Variants in CHD1 observed in about 807,000 individuals in gnomAD.
CHD1 encodes chromodomain helicase DNA binding protein 1.
CHD1 carries 36 observed loss-of-function variants against 224.2 expected under a neutral mutation model. The observed-to-expected ratio is 0.16, with a 90% CI of 0.12 to 0.21. The LOEUF (loss-of-function observed/expected upper bound fraction) is 0.21. Among genes scored for constraint, CHD1 ranks in the 10% least tolerant of loss-of-function variants. CHD1 has a pLI of 1.00. For missense variants in CHD1, 1,378 were observed against 1,994.8 expected, an observed-to-expected ratio of 0.69 and a Z score of 5.89; for synonymous variants, 668 against 658.3, an observed-to-expected ratio of 1.01 and a Z score of -0.23.
At chr5:98,887,715 T>TCACATTCAG (rs1484305180) in intron 17 of CHD1, among the ~76,000 whole-genome samples, 1 of 152,132 alleles carries the variant, frequency 6.6e-6, no homozygotes, top group Non-Finnish European at 1.5e-5. Context: ...TTGGCAGCAT[T>TCACATTCAG]CACATTCAGA....
intron 2 of CHD1, among the ~76,000 whole-genome samples, chr5:98,912,504 C>A (rs1163033800): frequency 6.6e-6 from 1 of 151,994 alleles, no homozygotes; most frequent in Non-Finnish European, 1.5e-5. Context: ...GACCCCATCT[C>A]TACTAAAAAT....
At chr5:98,870,901 A>G (rs565068153) in intron 28 of CHD1, 98 bp from the exon 29 acceptor site, 29 of 553,446 alleles carry the variant, frequency 5.2e-5, no homozygotes, top group African/African-American at 4.9e-4. Flanking sequence ...TATATAGTTC[A>G]CCAACAAGTT....
intron 31 of CHD1, among the ~76,000 whole-genome samples, chr5:98,863,904 A>AT (rs1301192959): frequency 6.6e-6 from 1 of 152,210 alleles, no homozygotes; most frequent in Non-Finnish European, 1.5e-5. Context: ...TTAAATATAG[A>AT]CTATTAAAAG....
At position 98,896,430 on chromosome 5, in the gene CHD1, G is replaced by A. The variant is rs1199381835; in HGVS notation, c.1506C>T (p.Cys502=). 2 of 1,611,560 alleles carry A rather than the reference G, an allele frequency of 1.2e-6. No individual in the cohort carries two copies. The highest frequency in any genetic ancestry group is 1.7e-5 in the Admixed American group (1 of 59,908). The change falls in exon 12 of 36, where the codon TGC becomes TGT. Residue 502 remains cysteine (C), a synonymous_variant. Coordinates refer to ENST00000614616, the MANE Select transcript of CHD1 (RefSeq NM_001270.4). ...LAHSWCKGNS[C]ILADEMGLGK... The stretch of plus-strand genomic sequence containing the variant: ...CAAGGCCCATTTCATCAGCGAGTAT[G>A]CAACTATTTCCTCTACAAAGTTAAA...
intron 2 of CHD1, among the ~76,000 whole-genome samples, chr5:98,918,637 G>A (rs1465516112): frequency 2.7e-5 from 4 of 150,758 alleles, no homozygotes; most frequent in Non-Finnish European, 5.9e-5. Flanking sequence ...GCATGGTGAC[G>A]CGTGCCTGTA....
chr5:98,870,619 T>A, intron 29 of CHD1, 68 bp downstream of exon 29: 1 of 783,082 alleles, frequency 1.3e-6, no homozygotes, highest in Non-Finnish European at 2.1e-6. Flanking sequence ...ATGTTTAGCA[T>A]GGTGAAGTAA....
intron 2 of CHD1, among the ~76,000 whole-genome samples, chr5:98,913,584 A>G (rs1380115450): frequency 2.6e-5 from 4 of 152,242 alleles, no homozygotes; most frequent in Non-Finnish European, 5.9e-5. Context: ...AAGTTCAACC[A>G]TAAATTATTT....
intron 15 of CHD1, chr5:98,889,836 A>G (rs1750895672): frequency 6.6e-6 from 1 of 152,198 alleles, no homozygotes; most frequent in Non-Finnish European, 1.5e-5. Flanking sequence ...ATATTTTTGT[A>G]TATATATCCC....
In CHD1 at chr5:98,858,944, A is replaced by C. The variant is rs1366680766; in HGVS notation, c.4576+20T>G. 2.7e-6 allele frequency: 4 copies of C among 1,480,232 alleles called. No homozygotes were observed. Among genetic ancestry groups the C allele is most frequent in the Non-Finnish European group, 3.6e-6 (4 of 1,118,042 alleles). The allele number at this position is 1,480,232 out of a possible 1,614,324, so 91.7% of individuals were successfully genotyped here. On this transcript the variant is annotated intron_variant, in intron 34 of 35. Coordinates refer to ENST00000614616, the MANE Select transcript of CHD1 (RefSeq NM_001270.4). Reference sequence around the variant, plus strand: ...AAAATTTTTTTTAATTTATTTTCCCAATCAGTAAGGCTTACATACCTGGAT... The same window carrying C: ...AAAATTTTTTTTAATTTATTTTCCCCATCAGTAAGGCTTACATACCTGGAT...
At position 98,878,773 on chromosome 5, in the gene CHD1, G is replaced by T. The variant is rs1200946735; in HGVS notation, c.3237+779C>A. On this transcript the variant is annotated intron_variant, in intron 23 of 35. Transcript: ENST00000614616. ...CTTCTAAAAAAACCTGTGGGTCAAAGATAAGTCATATGGGAAATTTTAAAA... is the reference window on the plus strand; with the variant it reads ...CTTCTAAAAAAACCTGTGGGTCAAATATAAGTCATATGGGAAATTTTAAAA... 2.6e-5 allele frequency among the ~76,000 whole-genome samples: 4 copies of T among 152,058 alleles called. No homozygotes were observed. In the East Asian group the frequency reaches 5.8e-4, roughly 22 times the overall value.
chr5:98,912,067 A>T (rs909106504), intron 2 of CHD1, among the ~76,000 whole-genome samples: 1 of 152,154 alleles, frequency 6.6e-6, no homozygotes, highest in Non-Finnish European at 1.5e-5. Context: ...AAGAAAAAAA[A>T]ATTAAAAAAT....
chr5:98,878,083 A>C (rs1749895784), intron 23 of CHD1, among the ~76,000 whole-genome samples: 1 of 152,220 alleles, frequency 6.6e-6, no homozygotes, highest in African/African-American at 2.4e-5. Context: ...GAGATCAGCT[A>C]AAATCTGCTA....
chr5:98,868,998 A>G, intron 30 of CHD1: 1 of 817,218 alleles, frequency 1.2e-6, no homozygotes, highest in Non-Finnish European at 1.5e-6. Context: ...TACATTTTTT[A>G]TTATGATTTG....
At chr5:98,885,815 G>C in intron 17 of CHD1, 166 bp from the exon 18 acceptor site, 1 of 561,538 alleles carries the variant, frequency 1.8e-6, no homozygotes. Flanking sequence ...TCTGTCTTTA[G>C]TCTGTGCTCC....
chr5:98,907,228 A>G (rs948544989), intron 2 of CHD1, among the ~76,000 whole-genome samples: 1 of 152,208 alleles, frequency 6.6e-6, no homozygotes, highest in Admixed American at 6.5e-5. Flanking sequence ...GAATGTCTTT[A>G]CCTTGGGTAT....
chr5:98,875,056 T>A lies in CHD1; in HGVS notation c.3440+16A>T. The stretch of plus-strand genomic sequence containing the variant: ...AACACATTCCATTATTCTATGAGAA[T>A]AATAAACGTATTTACCTTTCCAGAG... On this transcript the variant is annotated intron_variant, in intron 25 of 35. Transcript: ENST00000614616. 1.6e-6 allele frequency: 2 copies of A among 1,277,182 alleles called. No individual in the cohort carries two copies. Among genetic ancestry groups the A allele is most frequent in the South Asian group, 2.5e-5 (2 of 79,904 alleles). The allele number at this position is 1,277,182 out of a possible 1,614,324, so 79.1% of individuals were successfully genotyped here.
At chr5:98,926,127 G>A (rs1050407097) in intron 2 of CHD1, among the ~76,000 whole-genome samples, 1 of 151,940 alleles carries the variant, frequency 6.6e-6, no homozygotes, top group Non-Finnish European at 1.5e-5. Flanking sequence ...GATCTACTGT[G>A]TATCTGAATG....
At chr5:98,921,712 AG>A (rs1377670379) in intron 2 of CHD1, among the ~76,000 whole-genome samples, 1 of 152,244 alleles carries the variant, frequency 6.6e-6, no homozygotes, top group African/African-American at 2.4e-5. Flanking sequence ...GCAGAGTAAA[AG>A]GGGTAACATC....
chr5:98,881,928 AG>A (rs1750221159), intron 20 of CHD1, 46 bp downstream of exon 20: 2 of 1,519,594 alleles, frequency 1.3e-6, no homozygotes, highest in Non-Finnish European at 1.8e-6. Context: ...CAAAAATATG[AG>A]TTTACTGACT....
Sources: allele counts gnomAD v4.1 joint callset (sites outside exome capture counted in the v4.1 genomes callset), GRCh38; gene constraint gnomAD v4.1.1; transcripts MANE v1.5; gene names NCBI Gene and HGNC (gene_info 2026-07-23, HGNC 2026-07-21).